The following FBN1 variants were observed in gnomAD, a reference collection of about 807,000 sequenced individuals.
FBN1 encodes fibrillin 1.
Under a neutral mutation model 365.1 loss-of-function variants are expected in FBN1, and 29 were observed. That is an observed-to-expected ratio of 0.08 (90% CI 0.06 to 0.11). The LOEUF (loss-of-function observed/expected upper bound fraction) is 0.11. FBN1 is among the 10% of genes least tolerant of loss of function. The probability of loss-of-function intolerance (pLI) is 1.00; values close to 1 mark genes in which losing one functional copy is unlikely to be tolerated. For missense variants in FBN1, 2,476 were observed against 3,703.2 expected (o/e 0.67, Z 8.60); for synonymous variants, 1,210 against 1,270.5 (o/e 0.95, Z 1.01).
At chr15:48,469,657 T>G (rs1253087764) in intron 36 of FBN1, among the ~76,000 whole-genome samples, 1 of 152,106 alleles carries the variant, frequency 6.6e-6, no homozygotes, top group Non-Finnish European at 1.5e-5. Context: ...GCAGATGATT[T>G]TTTTGTTCAA....
intron 53 of FBN1, among the ~76,000 whole-genome samples, chr15:48,435,465 C>T (rs2141238022): frequency 6.6e-6 from 1 of 151,976 alleles, no homozygotes; most frequent in Admixed American, 6.6e-5. Flanking sequence ...AAATAAAAGA[C>T]TAAACTTACG....
chr15:48,528,734 T>G (rs183583793), intron 8 of FBN1, among the ~76,000 whole-genome samples: 1 of 152,160 alleles, frequency 6.6e-6, no homozygotes, highest in Non-Finnish European at 1.5e-5. Context: ...CTAGGCCAAA[T>G]TGTTACATTT....
chr15:48,500,592 G>C (rs986425648), intron 17 of FBN1, among the ~76,000 whole-genome samples: 2 of 152,190 alleles, frequency 1.3e-5, no homozygotes, highest in Non-Finnish European at 2.9e-5. Flanking sequence ...GTAAATAAAA[G>C]TATTATAAAC....
intron 59 of FBN1, 66 bp from the exon 60 acceptor site, chr15:48,425,557 A>G: frequency 2.5e-6 from 4 of 1,606,020 alleles, no homozygotes; most frequent in Admixed American, 1.7e-5. Context: ...CAATTTCCAC[A>G]GGGTCTAACG....
intron 65 of FBN1, among the ~76,000 whole-genome samples, chr15:48,412,227 G>C (rs2141211095): frequency 6.6e-6 from 1 of 152,334 alleles, no homozygotes; most frequent in East Asian, 1.9e-4. Context: ...GCATTCCTAT[G>C]TAGGGAGCAC....
intron 6 of FBN1, among the ~76,000 whole-genome samples, chr15:48,552,276 CTT>C (rs71432262): frequency 7.1e-5 from 10 of 139,892 alleles, no homozygotes; most frequent in East Asian, 2.0e-4. Flanking sequence ...CTTTTTTTTT[CTT>C]TTTTTTTTTT....
chr15:48,587,969 C>T (rs980994370), intron 6 of FBN1, among the ~76,000 whole-genome samples: 1 of 152,090 alleles, frequency 6.6e-6, no homozygotes, highest in African/African-American at 2.4e-5. Context: ...AATGCAGCCT[C>T]TCTTTGATTT....
At chr15:48,438,510 G>A (rs963344210) in intron 50 of FBN1, among the ~76,000 whole-genome samples, 4 of 152,100 alleles carry the variant, frequency 2.6e-5, no homozygotes, top group Non-Finnish European at 4.4e-5. Flanking sequence ...AGATACTCCC[G>A]GAGATGCTGG....
chr15:48,437,822 A>C lies in FBN1; in HGVS notation c.6259T>G (p.Leu2087Val). Residue 2087 changes from leucine (L) to valine (V), a missense_variant, in exon 51 of 66, where the codon TTG (leucine) becomes GTG (valine). Physicochemically the swap from Leu to Val is conservative, Grantham distance 32. Transcript: ENST00000316623. ...GGGTCTCCCCAGCCTTCTCCCTTCA[A>C]GGCACAGCAGCATTCCTGCTTGGAG... The part of the protein sequence containing the change: ...NHSKQECCCA[L>V]KGEGWGDPCE... 1 of 1,613,898 alleles carries C rather than the reference A, an allele frequency of 6.2e-7. No homozygotes were observed. The highest frequency in any genetic ancestry group is 8.5e-7 in the Non-Finnish European group (1 of 1,179,870).
chr15:48,421,442 C>G (rs937128804), intron 62 of FBN1, 116 bp downstream of exon 62: 1 of 1,260,640 alleles, frequency 7.9e-7, no homozygotes, highest in African/African-American at 1.5e-5. Context: ...TAGCTGAGTG[C>G]CCCCCTGGGC....
intron 10 of FBN1, among the ~76,000 whole-genome samples, chr15:48,517,245 C>T (rs1303859088): frequency 2.0e-5 from 3 of 152,094 alleles, no homozygotes; most frequent in African/African-American, 7.2e-5. Flanking sequence ...CAAGGCTAGA[C>T]GTGAGTTTCA....
At chr15:48,579,551 C>A (rs2044375430) in intron 6 of FBN1, among the ~76,000 whole-genome samples, 1 of 152,152 alleles carries the variant, frequency 6.6e-6, no homozygotes, top group African/African-American at 2.4e-5. Context: ...AACCTATGGA[C>A]ATCTGGAATA....
intron 34 of FBN1, among the ~76,000 whole-genome samples, chr15:48,472,890 T>C (rs1468774268): frequency 6.6e-6 from 1 of 152,164 alleles, no homozygotes. Context: ...CTGAATGATA[T>C]AAAATGAATA....
rs550535898 is a variant in FBN1 at position 48,464,677 on chromosome 15, C to T, written c.4943-656G>A. ...GTGGAGAAATTAAAATATCAAATAT[C>T]CCTTAGGAAGACAAGTACGCTTCTT... On this transcript the variant is annotated intron_variant, in intron 40 of 65. Coordinates refer to ENST00000316623, the MANE Select transcript of FBN1 (RefSeq NM_000138.5). Among the ~76,000 whole-genome samples, 7 of 152,236 alleles carry T rather than the reference C, an allele frequency of 4.6e-5. No homozygotes were observed. In the South Asian group the frequency reaches 1.5e-3, roughly 32 times the overall value.
intron 6 of FBN1, among the ~76,000 whole-genome samples, chr15:48,544,807 T>G (rs2044082661): frequency 6.6e-6 from 1 of 152,226 alleles, no homozygotes; most frequent in Non-Finnish European, 1.5e-5. Context: ...ATCCTACAAG[T>G]CATTACTGAC....
At chr15:48,412,488 A>G (rs2042871256) in intron 65 of FBN1, 81 bp downstream of exon 65, 1 of 1,478,938 alleles carries the variant, frequency 6.8e-7, no homozygotes, top group Non-Finnish European at 9.5e-7. Flanking sequence ...CACACTTTGG[A>G]GCATCCTTGG....
intron 1 of FBN1, among the ~76,000 whole-genome samples, chr15:48,645,316 A>T (rs1283299878): frequency 6.6e-6 from 1 of 152,136 alleles, no homozygotes; most frequent in African/African-American, 2.4e-5. Context: ...CCAGGCTGGA[A>T]GCCAGCCGCG....
At chr15:48,433,135 C>A (rs1282989381) in intron 54 of FBN1, 147 bp from the exon 55 acceptor site, 3 of 803,258 alleles carry the variant, frequency 3.7e-6, no homozygotes, top group African/African-American at 3.4e-5. Context: ...TCCCATTTCC[C>A]GGAAATTATA....
At chr15:48,493,156 A>G (rs2043576288) in intron 23 of FBN1, among the ~76,000 whole-genome samples, 1 of 152,176 alleles carries the variant, frequency 6.6e-6, no homozygotes, top group Non-Finnish European at 1.5e-5. Context: ...GGGGAATTAA[A>G]AGATACTCAT....
Sources: allele counts gnomAD v4.1 joint callset (sites outside exome capture counted in the v4.1 genomes callset), GRCh38; gene constraint gnomAD v4.1.1; transcripts MANE v1.5; gene names NCBI Gene and HGNC (gene_info 2026-07-23, HGNC 2026-07-21).